POLQ: variants seen among roughly 807,000 people sequenced by gnomAD.
POLQ encodes epididymis secretory sperm binding protein.
POLQ carries 233 observed loss-of-function variants against 259.2 expected under a neutral mutation model. That is an observed-to-expected ratio of 0.90 (90% CI 0.81 to 1.00). The LOEUF (loss-of-function observed/expected upper bound fraction) is 1.00. POLQ is among the 50% of genes least tolerant of loss of function. The probability of loss-of-function intolerance (pLI) is 0.00; values close to 1 mark genes in which losing one functional copy is unlikely to be tolerated. For missense variants in POLQ, 2,871 were observed against 3,051.6 expected (o/e 0.94, Z 1.39); for synonymous variants, 1,025 against 1,048.8 (o/e 0.98, Z 0.44).
chr3:121,460,964 T>C (rs926730512), intron 24 of POLQ, among the ~76,000 whole-genome samples: 3 of 152,208 alleles, frequency 2.0e-5, no homozygotes, highest in Admixed American at 1.3e-4. Flanking sequence ...AGAAGAGTTG[T>C]TACTTGTGGA....
At position 121,488,988 on chromosome 3, in the gene POLQ, G is replaced by A; in HGVS notation, c.3943C>T (p.Leu1315Phe). ...TAGAAACTATCTTCAAAATCACAGA[G>A]GACTAAACCTAAGTCAGAAACATGA... ...NNHVSDLGLVLCDFEDSFYLD... is the reference protein window; with the variant it reads ...NNHVSDLGLVFCDFEDSFYLD... The change falls in exon 16 of 30, where the codon CTC becomes TTC. Residue 1315 changes from leucine (L) to phenylalanine (F), a missense_variant. By Grantham distance (22) the Leu-to-Phe change is conservative (BLOSUM62 0). Coordinates refer to ENST00000264233, the MANE Select transcript of POLQ (RefSeq NM_199420.4). The A allele has an allele frequency of 6.2e-7, 1 of 1,613,080 alleles. No individual in the cohort carries two copies. Among genetic ancestry groups the A allele is most frequent in the Admixed American group, 1.7e-5 (1 of 59,994 alleles).
In POLQ at chr3:121,460,180, T is replaced by C. The variant is rs745359419; in HGVS notation, c.7022A>G (p.His2341Arg). ...AATGAGACGACGATCATGGGATAAATGAGCCAAGATCCTCAGTTCAAGCTG... is the reference window on the plus strand; with the variant it reads ...AATGAGACGACGATCATGGGATAAACGAGCCAAGATCCTCAGTTCAAGCTG... Reference protein sequence around the residue: ...YSQLELRILAHLSHDRRLIQV... With the variant: ...YSQLELRILARLSHDRRLIQV... The change falls in exon 25 of 30, where the codon CAT becomes CGT. Residue 2341 changes from histidine (H) to arginine (R), a missense_variant. This residue lies in a region of POLQ where 2,080 missense variants were observed against 2,126.0 expected (regional missense o/e 0.98). Coordinates refer to ENST00000264233, the MANE Select transcript of POLQ (RefSeq NM_199420.4). The C allele has an allele frequency of 2.7e-5, 44 of 1,613,570 alleles. No homozygotes were observed. The highest frequency in any genetic ancestry group is 3.7e-5 in the Non-Finnish European group (44 of 1,179,598).
In POLQ at chr3:121,541,409, C is replaced by A; in HGVS notation, c.414G>T (p.Lys138Asn). 1 of 1,611,292 alleles carries A rather than the reference C, an allele frequency of 6.2e-7. No homozygotes were observed. Among genetic ancestry groups the A allele is most frequent in the Non-Finnish European group, 8.5e-7 (1 of 1,178,236 alleles). ...CAAAGGGAAGAATAAACAAAGCTTT[C>A]TTCCGCATTTCCAAAACCCGCTTCA... ...LILKRVLEMR[K>N]KALFILPFVS... Residue 138 changes from lysine to asparagine, a missense_variant, in exon 3 of 30, where the codon AAG (lysine) becomes AAT (asparagine). By Grantham distance (94) the Lys-to-Asn change is moderately conservative. Transcript: ENST00000264233.
At chr3:121,439,712 C>T (rs1576397082) in intron 27 of POLQ, among the ~76,000 whole-genome samples, 2 of 152,278 alleles carry the variant, frequency 1.3e-5, no homozygotes, top group South Asian at 4.1e-4. Flanking sequence ...CAACTTAGTA[C>T]CTAAGCTAAT....
chr3:121,530,364 T>C (rs1203785382), intron 6 of POLQ, among the ~76,000 whole-genome samples: 1 of 152,206 alleles, frequency 6.6e-6, no homozygotes, highest in Admixed American at 6.5e-5. Flanking sequence ...ACATTTAAGG[T>C]AGGCTAGGCT....
At chr3:121,508,918 T>C (rs1443911140) in intron 12 of POLQ, among the ~76,000 whole-genome samples, 1 of 152,136 alleles carries the variant, frequency 6.6e-6, no homozygotes, top group East Asian at 1.9e-4. Flanking sequence ...CAATTCTTAT[T>C]AATATCTTTG....
chr3:121,511,959 C>G lies in POLQ; in HGVS notation c.1539G>C (p.Lys513Asn), dbSNP rs563561418. 6.2e-7 allele frequency: 1 copy of G among 1,613,478 alleles called. No homozygotes were observed. The highest frequency in any genetic ancestry group is 1.7e-5 in the Admixed American group (1 of 60,026). Residue 513 changes from lysine (K) to asparagine (N), a missense_variant, in exon 10 of 30, where the codon AAG becomes AAC. Transcript: ENST00000264233. Reference protein sequence around the residue: ...KGIALLQGSLKPVRSCLQRRE... With the variant: ...KGIALLQGSLNPVRSCLQRRE... ...GTCTTTGCAGACAGCTGCGAACAGG[C>G]TTTAGAGAACCCTGAAGGAGAGCTA...
chr3:121,489,164 C>G lies in POLQ; in HGVS notation c.3767G>C (p.Gly1256Ala). 6.2e-7 allele frequency: 1 copy of G among 1,613,126 alleles called. No homozygotes were observed. The highest frequency in any genetic ancestry group is 8.5e-7 in the Non-Finnish European group (1 of 1,179,770). The change falls in exon 16 of 30, where the codon GGA becomes GCA. Residue 1256 changes from glycine to alanine, a missense_variant. Around this residue, in one of 3 missense-constraint regions of POLQ, gnomAD observed 2,080 missense variants for 2,126.0 expected, o/e 0.98. Coordinates refer to ENST00000264233, the MANE Select transcript of POLQ (RefSeq NM_199420.4). ...ENKPSHFQALGDDISRTVIPS... is the reference protein window; with the variant it reads ...ENKPSHFQALADDISRTVIPS... ...TATCACAGTTCTGCTTATATCATCT[C>G]CTAATGCCTGAAAATGACTTGGTTT...
chr3:121,482,360 T>A (rs812102), intron 18 of POLQ, among the ~76,000 whole-genome samples: 1 of 151,662 alleles, frequency 6.6e-6, no homozygotes, highest in Non-Finnish European at 1.5e-5. Context: ...CTCTACTAAA[T>A]ATACAAAAAA....
intron 25 of POLQ, among the ~76,000 whole-genome samples, chr3:121,449,748 C>A (rs901389734): frequency 2.6e-5 from 4 of 152,172 alleles, no homozygotes; most frequent in African/African-American, 9.7e-5. Context: ...CCTCACAGAA[C>A]TTCATTAACT....
At chr3:121,500,703 C>T (rs1426854906) in intron 12 of POLQ, among the ~76,000 whole-genome samples, 1 of 151,994 alleles carries the variant, frequency 6.6e-6, no homozygotes, top group Admixed American at 6.6e-5. Context: ...CAACATTAAC[C>T]TACATATCCA....
chr3:121,524,631 A>C (rs746123179), intron 7 of POLQ, among the ~76,000 whole-genome samples: 1 of 152,116 alleles, frequency 6.6e-6, no homozygotes, highest in East Asian at 1.9e-4. Context: ...AGACACATAC[A>C]TACTGTATGA....
intron 5 of POLQ, among the ~76,000 whole-genome samples, chr3:121,535,281 A>C (rs2048442032): frequency 6.6e-6 from 1 of 152,218 alleles, no homozygotes; most frequent in African/African-American, 2.4e-5. Context: ...AAATTCCCAG[A>C]CAGAATTTAA....
At chr3:121,442,058 A>G (rs2047597011) in intron 26 of POLQ, among the ~76,000 whole-genome samples, 1 of 152,234 alleles carries the variant, frequency 6.6e-6, no homozygotes, top group Non-Finnish European at 1.5e-5. Flanking sequence ...TTGAATGGTA[A>G]AAGTTCTTCA....
intron 12 of POLQ, among the ~76,000 whole-genome samples, chr3:121,502,421 C>A (rs2048178093): frequency 6.6e-6 from 1 of 152,194 alleles, no homozygotes; most frequent in Admixed American, 6.5e-5. Context: ...CCAGGCTGGT[C>A]TTGAACTCCT....
intron 25 of POLQ, among the ~76,000 whole-genome samples, chr3:121,457,830 T>C (rs1212101881): frequency 1.3e-5 from 2 of 152,214 alleles, no homozygotes; most frequent in African/African-American, 4.8e-5. Context: ...AGTGTGGCGA[T>C]TCCTCAGGGA....
Position 121,510,253 on chromosome 3 carries a change from G to T in POLQ, c.1612-10C>A, listed in dbSNP as rs1376971435. On this transcript the variant is annotated splice_polypyrimidine_tract_variant and intron_variant, in intron 10 of 29. Transcript: ENST00000264233. ...CTCCACCAACTATTATCTGAAAGAA[G>T]ATATTTGGAAATTTCTGTAGCTTTT... The T allele has an allele frequency of 5.6e-6, 9 of 1,595,078 alleles. 1 individual carries two copies. The South Asian group carries it at 1.0e-4, about 18-fold the overall frequency.
In POLQ at chr3:121,455,115, C is replaced by T. The variant is rs2047721696; in HGVS notation, c.7152+4935G>A. 2.0e-5 allele frequency among the ~76,000 whole-genome samples: 3 copies of T among 151,234 alleles called. No individual in the cohort carries two copies. The South Asian group carries it at 6.3e-4, about 32-fold the overall frequency. On this transcript the variant is annotated intron_variant, in intron 25 of 29. Coordinates refer to ENST00000264233, the MANE Select transcript of POLQ (RefSeq NM_199420.4). ...ACTCAACTACATGGAAACTGAACAA[C>T]CTGCTCCTGAATGACTACTGGGTAC... is the stretch of plus-strand genomic sequence containing the variant.
rs921549813 is a variant in POLQ at position 121,537,140 on chromosome 3, G to A, written c.700C>T (p.Leu234=). ...CGAGTAATATAGCAAATCTTGGTCA[G>A]CAAAAGTTCCAGCAGATACCCTCGG... is the stretch of plus-strand genomic sequence containing the variant. ...SHRGYLLELL[L]TKICYITRKS... is the part of the protein sequence containing the mutation. The change falls in exon 5 of 30, where the codon CTG becomes TTG. Residue 234 remains leucine (L), a synonymous_variant. Transcript: ENST00000264233. The A allele has an allele frequency of 8.7e-6, 14 of 1,601,452 alleles. No homozygotes were observed. The highest frequency in any genetic ancestry group is 1.2e-5 in the Non-Finnish European group (14 of 1,168,812).
Sources: allele counts gnomAD v4.1 joint callset (sites outside exome capture counted in the v4.1 genomes callset), GRCh38; gene constraint gnomAD v4.1.1; regional missense constraint gnomAD v4.1.1; transcripts MANE v1.5; gene names NCBI Gene and HGNC (gene_info 2026-07-23, HGNC 2026-07-21).